The following RBM20 variants were observed in gnomAD, a reference collection of about 807,000 sequenced individuals.
The protein encoded by RBM20 is RNA binding motif protein 20, also known as RNA-binding protein 20.
Under a neutral mutation model 110.1 loss-of-function variants are expected in RBM20, and 51 were observed. That is an observed-to-expected ratio of 0.46 (90% CI 0.37 to 0.59). The LOEUF (loss-of-function observed/expected upper bound fraction) is 0.59. Ranked by LOEUF, RBM20 falls within the 20% of genes least tolerant of loss-of-function variation. The probability of loss-of-function intolerance (pLI) is 0.00; values close to 1 mark genes in which losing one functional copy is unlikely to be tolerated. For synonymous variants in RBM20, 589 were observed against 618.2 expected (o/e 0.95, Z 0.70); for missense variants, 1,512 against 1,574.9 (o/e 0.96, Z 0.68).
At chr10:110,800,674 T>C (rs1844610965) in intron 7 of RBM20, among the ~76,000 whole-genome samples, 1 of 152,264 alleles carries the variant, frequency 6.6e-6, no homozygotes, top group South Asian at 2.1e-4. Context: ...TCTACTCTCC[T>C]GACTTCAATG....
At position 110,836,396 on chromosome 10, in the gene RBM20, A is replaced by T. The variant is rs1053674062; in HGVS notation, c.*418A>T. On this transcript the variant is annotated 3_prime_UTR_variant, in exon 14 of 14. Coordinates refer to ENST00000369519, the MANE Select transcript of RBM20 (RefSeq NM_001134363.3). ...TCAGGCCTAGCTGAGTCAGGCAAGG[A>T]AAAGGTTTAATGGAAACTCCTGGGT... 6.5e-6 allele frequency: 1 copy of T among 153,586 alleles called. No individual in the cohort carries two copies. Among genetic ancestry groups the T allele is most frequent in the Admixed American group, 6.5e-5 (1 of 15,376 alleles). The allele number at this position is 153,586 out of a possible 1,614,324, so 9.5% of individuals were successfully genotyped here.
intron 13 of RBM20, among the ~76,000 whole-genome samples, chr10:110,833,780 C>A (rs942376882): frequency 1.3e-5 from 2 of 152,334 alleles, no homozygotes; most frequent in Non-Finnish European, 1.5e-5. Context: ...ATTGGTTAAG[C>A]CCCTCGTGCC....
At chr10:110,802,690 C>T (rs551714577) in intron 7 of RBM20, among the ~76,000 whole-genome samples, 19 of 152,198 alleles carry the variant, frequency 1.2e-4, no homozygotes, top group Non-Finnish European at 2.5e-4. Flanking sequence ...GTCAGATGGT[C>T]GAGTTTTGCT....
At chr10:110,663,558 G>A (rs922156186) in intron 1 of RBM20, among the ~76,000 whole-genome samples, 1 of 152,200 alleles carries the variant, frequency 6.6e-6, no homozygotes, top group African/African-American at 2.4e-5. Context: ...GAGTGGGTCA[G>A]AGGTAGAAGC....
chr10:110,709,330 G>A (rs4918574), intron 1 of RBM20, among the ~76,000 whole-genome samples: 25,112 of 152,022 alleles, frequency 0.17, 2,272 homozygotes, highest in East Asian at 0.32. Context: ...GATGCTGGAC[G>A]CTTGCCTAGG....
chr10:110,717,065 C>T (rs1202725131), intron 1 of RBM20, among the ~76,000 whole-genome samples: 1 of 151,882 alleles, frequency 6.6e-6, no homozygotes, highest in Non-Finnish European at 1.5e-5. Context: ...TGTTTGATAT[C>T]ACATTTGTCT....
chr10:110,660,501 C>A (rs1365958236), intron 1 of RBM20, among the ~76,000 whole-genome samples: 1 of 152,192 alleles, frequency 6.6e-6, no homozygotes, highest in Non-Finnish European at 1.5e-5. Context: ...GGCGAGCAAG[C>A]GAAGCTTCAT....
At chr10:110,742,822 C>T (rs1843737402) in intron 1 of RBM20, among the ~76,000 whole-genome samples, 1 of 152,234 alleles carries the variant, frequency 6.6e-6, no homozygotes, top group Non-Finnish European at 1.5e-5. Context: ...AAAGCAGAGG[C>T]TCGGGTTCTT....
rs1170225443 is a variant in RBM20, at chr10:110,727,408, A to T, written c.192-53393A>T. On this transcript the variant is annotated intron_variant, in intron 1 of 13. Transcript: ENST00000369519. ...ATTAAAAAGTCCGTCTCAAAAAATA[A>T]AAATAAAAAAAAAATAAATAAAAAG... Among the ~76,000 whole-genome samples the T allele has an allele frequency of 7.7e-4, 57 of 73,980 alleles. No individual in the cohort carries two copies. The East Asian group carries it at 0.062, about 81-fold the overall frequency. The allele number at this position is 73,980 out of a possible 152,430, so 48.5% of individuals were successfully genotyped here.
intron 1 of RBM20, among the ~76,000 whole-genome samples, chr10:110,715,921 G>A (rs1343101450): frequency 2.0e-5 from 3 of 152,312 alleles, no homozygotes; most frequent in Admixed American, 6.5e-5. Context: ...GGCAGAAAGC[G>A]TAATCCCCCT....
chr10:110,821,387 A>G lies in RBM20; in HGVS notation c.2768A>G (p.Glu923Gly). 6.4e-7 allele frequency: 1 copy of G among 1,551,784 alleles called. No individual in the cohort carries two copies. The change falls in exon 11 of 14, where the codon GAA (glutamate) becomes GGA (glycine). Residue 923 changes from glutamate (E) to glycine (G), a missense_variant. By Grantham distance (98) the Glu-to-Gly change is moderately conservative. Transcript: ENST00000369519. ...GGGGAAGAAGAAGATTTTATCGTGG[A>G]ACCAGACATCCCAGAGCTGGAAGAA... ...EVGEEEDFIV[E>G]PDIPELEEIV...
At chr10:110,829,463 G>A (rs1173188169) in intron 12 of RBM20, among the ~76,000 whole-genome samples, 2 of 152,176 alleles carry the variant, frequency 1.3e-5, no homozygotes, top group Non-Finnish European at 2.9e-5. Context: ...AGCCTGCAAT[G>A]TGGCAGTTAG....
At chr10:110,645,918 A>G (rs1356174025) in intron 1 of RBM20, among the ~76,000 whole-genome samples, 1 of 151,840 alleles carries the variant, frequency 6.6e-6, no homozygotes, top group Non-Finnish European at 1.5e-5. Context: ...ATTCTTTTCT[A>G]TTGTTTTGCA....
intron 1 of RBM20, among the ~76,000 whole-genome samples, chr10:110,772,672 A>G (rs1844209016): frequency 6.6e-6 from 1 of 152,196 alleles, no homozygotes; most frequent in African/African-American, 2.4e-5. Context: ...ATTGCCTAAC[A>G]ACACATTTCT....
At chr10:110,783,764 T>C (rs1421526233) in intron 3 of RBM20, among the ~76,000 whole-genome samples, 1 of 152,244 alleles carries the variant, frequency 6.6e-6, no homozygotes, top group Non-Finnish European at 1.5e-5. Flanking sequence ...TTAAATACTT[T>C]GAAAATACTT....
Position 110,823,431 on chromosome 10 carries a change from C to CTTTTTTT in RBM20, c.3317-28_3317-22dup, listed in dbSNP as rs201149204. Reference sequence around the variant, plus strand: ...GGACTCTTTGAGGCATGTTGTATTTCTTTTTTTTTTTTTTTTTTTTTTTTT... The same window carrying CTTTTTTT: ...GGACTCTTTGAGGCATGTTGTATTTCTTTTTTTTTTTTTTTTTTTTTTTTTTTTTTTT... On this transcript the variant is annotated intron_variant, in intron 11 of 13. Transcript: ENST00000369519. The CTTTTTTT allele has an allele frequency of 1.1e-4, 137 of 1,303,046 alleles. No individual in the cohort carries two copies. The African/African-American group carries it at 1.7e-3, about 16-fold the overall frequency. The allele number at this position is 1,303,046 out of a possible 1,614,324, so 80.7% of individuals were successfully genotyped here. A position where few individuals can be genotyped will look rare whatever the true frequency, so the allele number is the denominator to read the frequency against.
intron 7 of RBM20, among the ~76,000 whole-genome samples, chr10:110,809,866 C>T (rs1319748721): frequency 6.6e-6 from 1 of 152,188 alleles, no homozygotes; most frequent in East Asian, 1.9e-4. Context: ...CCAAGAGTCA[C>T]CAACTGCATG....
intron 5 of RBM20, among the ~76,000 whole-genome samples, chr10:110,790,231 T>G (rs1844467498): frequency 6.6e-6 from 1 of 152,224 alleles, no homozygotes; most frequent in Non-Finnish European, 1.5e-5. Context: ...TCTGAATGCA[T>G]GGCTTAGAGC....
At chr10:110,654,717 A>C (rs10885007) in intron 1 of RBM20, among the ~76,000 whole-genome samples, 2 of 152,028 alleles carry the variant, frequency 1.3e-5, no homozygotes, top group South Asian at 4.1e-4. Flanking sequence ...TCATACACAA[A>C]ATATGTATGG....
Sources: gnomAD v4.1 joint callset for allele counts (sites outside exome capture counted in the v4.1 genomes callset) on GRCh38, gnomAD v4.1.1 for gene constraint, MANE v1.5 for transcripts, NCBI Gene and HGNC (gene_info 2026-07-23, HGNC 2026-07-21) for gene names.